NELL2: variants seen among roughly 807,000 people sequenced by gnomAD.
The protein encoded by NELL2 is protein kinase C-binding protein NELL2.
Under a neutral mutation model 109.6 loss-of-function variants are expected in NELL2, and 41 were observed. That is an observed-to-expected ratio of 0.37 (90% CI 0.29 to 0.49). The LOEUF (loss-of-function observed/expected upper bound fraction) is 0.49, where lower values mean the gene tolerates loss of function less well. Among genes scored for constraint, NELL2 ranks in the 20% least tolerant of loss-of-function variants. The probability of loss-of-function intolerance (pLI) is 0.98; values close to 1 mark genes in which losing one functional copy is unlikely to be tolerated. For synonymous variants in NELL2, 355 were observed against 344.7 expected (o/e 1.03, Z -0.33); for missense variants, 900 against 1,008.3 (o/e 0.89, Z 1.45).
chr12:44,885,671 C>A (rs56318633), intron 1 of NELL2, among the ~76,000 whole-genome samples: 4 of 151,782 alleles, frequency 2.6e-5, no homozygotes, highest in African/African-American at 7.3e-5. Context: ...CTCACAGATA[C>A]ATATAGTTCT....
chr12:44,587,884 G>A lies in NELL2; in HGVS notation c.1663+19285C>T, dbSNP rs186747471. ...AAGTTGGTTTCGGTTGGGCGCAGTG[G>A]CTCACACCTGTAATCCCAGCACTTT... On this transcript the variant is annotated intron_variant, in intron 15 of 19. Coordinates refer to ENST00000429094, the MANE Select transcript of NELL2 (RefSeq NM_001145108.2). Among the ~76,000 whole-genome samples, 7 of 152,182 alleles carry A rather than the reference G, an allele frequency of 4.6e-5. No homozygotes were observed. The South Asian group carries it at 6.2e-4, about 14-fold the overall frequency.
chr12:44,568,796 T>C (rs768621989), intron 15 of NELL2, among the ~76,000 whole-genome samples: 2 of 152,070 alleles, frequency 1.3e-5, no homozygotes, highest in Non-Finnish European at 2.9e-5. Context: ...TACACATACA[T>C]ATATAGCATG....
chr12:44,720,809 G>C (rs1487771507), intron 9 of NELL2, among the ~76,000 whole-genome samples: 2 of 152,178 alleles, frequency 1.3e-5, no homozygotes, highest in African/African-American at 4.8e-5. Flanking sequence ...TAAGAAGTGA[G>C]ATCTTGATAG....
At chr12:44,548,542 CT>C (rs1369384607) in intron 15 of NELL2, among the ~76,000 whole-genome samples, 1 of 39,872 alleles carries the variant, frequency 2.5e-5, no homozygotes, top group South Asian at 1.6e-3. Flanking sequence ...GAGACTCCGT[CT>C]AAAAAAAAAA....
intron 15 of NELL2, among the ~76,000 whole-genome samples, chr12:44,595,292 A>T (rs1466895218): frequency 6.6e-6 from 1 of 152,262 alleles, no homozygotes; most frequent in Non-Finnish European, 1.5e-5. Context: ...ATATGAAGAA[A>T]AAACATCCGT....
intron 15 of NELL2, among the ~76,000 whole-genome samples, chr12:44,568,734 CATATTT>C (rs1467799241): frequency 6.6e-6 from 1 of 151,878 alleles, no homozygotes; most frequent in Non-Finnish European, 1.5e-5. Context: ...TGTGTACATA[CATATTT>C]TATATATATA....
At chr12:44,623,407 C>T (rs1555187098) in intron 13 of NELL2, among the ~76,000 whole-genome samples, 1 of 151,762 alleles carries the variant, frequency 6.6e-6, no homozygotes, top group South Asian at 2.1e-4. Flanking sequence ...TTTGTTATTC[C>T]AAAAGTCATC....
intron 12 of NELL2, among the ~76,000 whole-genome samples, chr12:44,686,015 C>T (rs925587969): frequency 6.6e-6 from 1 of 152,138 alleles, no homozygotes; most frequent in Non-Finnish European, 1.5e-5. Context: ...GAGTGTTTTC[C>T]AACTTGGTTC....
intron 13 of NELL2, among the ~76,000 whole-genome samples, chr12:44,649,607 AG>A (rs1215799242): frequency 2.6e-5 from 4 of 152,162 alleles, no homozygotes; most frequent in Non-Finnish European, 5.9e-5. Context: ...ACAGCATTGA[AG>A]GCTTCAGAGA....
chr12:44,614,266 A>G (rs543700125), intron 13 of NELL2, among the ~76,000 whole-genome samples: 1 of 152,164 alleles, frequency 6.6e-6, no homozygotes, highest in Admixed American at 6.5e-5. Context: ...TGGTTATTTT[A>G]ATCAGAATTT....
chr12:44,589,654 C>A (rs562965675), intron 15 of NELL2, among the ~76,000 whole-genome samples: 1 of 152,190 alleles, frequency 6.6e-6, no homozygotes, highest in Admixed American at 6.5e-5. Flanking sequence ...GCTGGGATTA[C>A]AGGCATGAGA....
intron 2 of NELL2, among the ~76,000 whole-genome samples, chr12:44,821,134 A>G (rs916720175): frequency 5.9e-5 from 9 of 152,288 alleles, no homozygotes; most frequent in Non-Finnish European, 1.0e-4. Context: ...AAAATTTTAT[A>G]ATAATATATT....
chr12:44,881,302 T>C (rs2136858191), upstream of NELL2, among the ~76,000 whole-genome samples: 1 of 152,020 alleles, frequency 6.6e-6, no homozygotes, highest in East Asian at 1.9e-4. Flanking sequence ...AATGCCAAGA[T>C]GACACAGATG....
intron 7 of NELL2, 101 bp downstream of exon 7, chr12:44,776,941 T>C: frequency 2.0e-6 from 2 of 993,370 alleles, no homozygotes; most frequent in Non-Finnish European, 3.2e-6. Flanking sequence ...CAGTATAGTA[T>C]AAGAAGAGCC....
At chr12:44,509,700 A>T (rs1280262923) in intron 19 of NELL2, among the ~76,000 whole-genome samples, 1 of 152,190 alleles carries the variant, frequency 6.6e-6, no homozygotes, top group Non-Finnish European at 1.5e-5. Flanking sequence ...AGCCTCCAAA[A>T]TTGTGGGGAA....
At chr12:44,586,099 A>G (rs1157695380) in intron 15 of NELL2, among the ~76,000 whole-genome samples, 3 of 151,600 alleles carry the variant, frequency 2.0e-5, no homozygotes, top group Non-Finnish European at 4.4e-5. Flanking sequence ...ATTTAGTTCT[A>G]TCTCATTCTT....
chr12:44,888,255 A>G (rs1945496266), intron 1 of NELL2, among the ~76,000 whole-genome samples: 1 of 152,012 alleles, frequency 6.6e-6, no homozygotes, highest in Non-Finnish European at 1.5e-5. Flanking sequence ...AGCAAATTTT[A>G]AAGTCAGGTA....
At chr12:44,698,511 G>C (rs989572297) in intron 12 of NELL2, among the ~76,000 whole-genome samples, 1 of 152,108 alleles carries the variant, frequency 6.6e-6, no homozygotes, top group African/African-American at 2.4e-5. Context: ...GGCTGGTTAG[G>C]AGTAGGAAGA....
chr12:44,754,917 A>G (rs1407515332), intron 9 of NELL2, among the ~76,000 whole-genome samples: 1 of 152,204 alleles, frequency 6.6e-6, no homozygotes, highest in Non-Finnish European at 1.5e-5. Context: ...TGAGGCAGCT[A>G]ATTCAACAAA....
Sources: gnomAD v4.1 joint callset for allele counts (sites outside exome capture counted in the v4.1 genomes callset) on GRCh38, gnomAD v4.1.1 for gene constraint, MANE v1.5 for transcripts, NCBI Gene and HGNC (gene_info 2026-07-23, HGNC 2026-07-21) for gene names.